PNOC: variants seen among roughly 807,000 people sequenced by gnomAD.
PNOC encodes nociceptin.
A neutral mutation model predicts 15.6 loss-of-function variants in PNOC; 10 were observed. That is an observed-to-expected ratio of 0.64 (90% confidence interval 0.40 to 1.09). The LOEUF is 1.09. Ranked by LOEUF, PNOC falls within the 50% of genes least tolerant of loss-of-function variation. The pLI is 0.01. For synonymous variants in PNOC, 98 were observed against 88.5 expected, an observed-to-expected ratio of 1.11 and a Z score of -0.60; for missense variants, 220 against 223.9, an observed-to-expected ratio of 0.98 and a Z score of 0.11.
At chr8:28,332,766 C>A (rs1242776442) in intron 2 of PNOC, among the ~76,000 whole-genome samples, 1 of 152,238 alleles carries the variant, frequency 6.6e-6, no homozygotes, top group South Asian at 2.1e-4. Flanking sequence ...GCCTGGCCAA[C>A]AAGGCGAAAC....
chr8:28,327,697 G>T (rs1039860913), intron 1 of PNOC, among the ~76,000 whole-genome samples: 1 of 151,754 alleles, frequency 6.6e-6, no homozygotes, highest in African/African-American at 2.4e-5. Context: ...TGTATTTTTA[G>T]TAGAGATGGG....
At chr8:28,332,316 G>T (rs1197875899) in intron 2 of PNOC, among the ~76,000 whole-genome samples, 1 of 152,182 alleles carries the variant, frequency 6.6e-6, no homozygotes, top group Non-Finnish European at 1.5e-5. Flanking sequence ...TGAATGATCA[G>T]GGGACTCATA....
At chr8:28,336,105 CACCTCTTTTCAT>C (rs1335120698) in intron 2 of PNOC, among the ~76,000 whole-genome samples, 1 of 152,192 alleles carries the variant, frequency 6.6e-6, no homozygotes. Context: ...GACTCTTTCT[CACCTCTTTTCAT>C]TCCCTTCTTT....
chr8:28,329,007 G>T, intron 1 of PNOC, 128 bp from the exon 2 acceptor site: 2 of 882,046 alleles, frequency 2.3e-6, no homozygotes, highest in Non-Finnish European at 1.8e-6. Flanking sequence ...TGAATCACAG[G>T]CCCCTAGTGC....
chr8:28,329,181 G>C lies in PNOC; in HGVS notation c.24G>C (p.Leu8=). ...CCATGAAAGTCCTGCTTTGTGACCT[G>C]CTGCTGCTCAGTCTCTTCTCCAGTG... MKVLLCD[L]LLLSLFSSVF... The change falls in exon 2 of 4, where the codon CTG becomes CTC. Residue 8 remains leucine (L), a synonymous_variant. Coordinates refer to ENST00000301908, the MANE Select transcript of PNOC (RefSeq NM_006228.5). 1 of 1,613,820 alleles carries C rather than the reference G, an allele frequency of 6.2e-7. No homozygotes were observed. Among genetic ancestry groups the C allele is most frequent in the Non-Finnish European group, 8.5e-7 (1 of 1,179,992 alleles).
intron 1 of PNOC, among the ~76,000 whole-genome samples, chr8:28,324,660 T>G (rs1237362043): frequency 6.6e-6 from 1 of 152,180 alleles, no homozygotes; most frequent in Non-Finnish European, 1.5e-5. Context: ...GGTCAGGAGT[T>G]CGAGACCAGC....
At chr8:28,327,820 A>G (rs1801250833) in intron 1 of PNOC, among the ~76,000 whole-genome samples, 1 of 151,574 alleles carries the variant, frequency 6.6e-6, no homozygotes, top group South Asian at 2.1e-4. Context: ...CCTGCCAACA[A>G]CAGAAACAAC....
At chr8:28,326,756 A>G (rs539047379) in intron 1 of PNOC, among the ~76,000 whole-genome samples, 6 of 152,278 alleles carry the variant, frequency 3.9e-5, no homozygotes, top group African/African-American at 1.4e-4. Context: ...GCCACTCGGG[A>G]GGCTGTGGCA....
chr8:28,339,623 G>A (rs1801481409), intron 3 of PNOC, 132 bp downstream of exon 3: 1 of 675,356 alleles, frequency 1.5e-6, no homozygotes, highest in Non-Finnish European at 2.2e-6. Flanking sequence ...ACCCCGCAAG[G>A]AGTCCAGCCC....
chr8:28,323,816 A>G (rs1376193610), intron 1 of PNOC, among the ~76,000 whole-genome samples: 3 of 152,256 alleles, frequency 2.0e-5, no homozygotes. Context: ...TGGGAAGTGT[A>G]TGAGAAAATA....
chr8:28,323,543 A>G (rs114136267), intron 1 of PNOC, among the ~76,000 whole-genome samples: 1,687 of 152,356 alleles, frequency 0.011, 38 homozygotes, highest in African/African-American at 0.038. Flanking sequence ...TTCAGCATCA[A>G]TGTAACAACA....
chr8:28,342,421 G>A (rs573389424), intron 3 of PNOC, among the ~76,000 whole-genome samples: 1 of 151,330 alleles, frequency 6.6e-6, no homozygotes, highest in Non-Finnish European at 1.5e-5. Context: ...AAGGAAAGGT[G>A]TTGGGGTGCA....
chr8:28,342,418 G>A (rs1801537632), intron 3 of PNOC, among the ~76,000 whole-genome samples: 1 of 151,366 alleles, frequency 6.6e-6, no homozygotes, highest in Non-Finnish European at 1.5e-5. Context: ...AGGAAGGAAA[G>A]GTGTTGGGGT....
In PNOC at chr8:28,332,493, T is replaced by C. The variant is rs189838663; in HGVS notation, c.126+3210T>C. ...TTAGACTATAATTTTTATTGGTAAA[T>C]GACTCACACCCAAATCCATTGCAAC... On this transcript the variant is annotated intron_variant, in intron 2 of 3. Coordinates refer to ENST00000301908, the MANE Select transcript of PNOC (RefSeq NM_006228.5). Among the ~76,000 whole-genome samples, 17 of 152,316 alleles carry C rather than the reference T, an allele frequency of 1.1e-4. No homozygotes were observed. The East Asian group carries it at 2.7e-3, about 24-fold the overall frequency.
At chr8:28,338,543 G>A (rs1801453623) in intron 2 of PNOC, 2 of 954,194 alleles carry the variant, frequency 2.1e-6, no homozygotes, top group Admixed American at 6.1e-5. Flanking sequence ...ACAACACCTA[G>A]GTAGATCTTT....
chr8:28,342,693 T>C (rs76787229), intron 3 of PNOC, among the ~76,000 whole-genome samples: 2,294 of 152,308 alleles, frequency 0.015, 44 homozygotes, highest in African/African-American at 0.042. Flanking sequence ...GGAAGGGGCT[T>C]GCCACTGTGC....
At chr8:28,333,426 A>T (rs770165622) in intron 2 of PNOC, among the ~76,000 whole-genome samples, 1 of 152,216 alleles carries the variant, frequency 6.6e-6, no homozygotes, top group Non-Finnish European at 1.5e-5. Flanking sequence ...AGCTCACTTA[A>T]TAAGCCATTA....
At chr8:28,330,412 T>TTTTTATTTTTTTTTTTTTA (rs1382350131) in intron 2 of PNOC, among the ~76,000 whole-genome samples, 5 of 143,594 alleles carry the variant, frequency 3.5e-5, no homozygotes, top group Non-Finnish European at 6.1e-5. Flanking sequence ...TTTTTTTTTT[T>TTTTTATTTTTTTTTTTTTA]GAGACGGAGT....
At chr8:28,330,408 T>TATTTTATTTTATTTTA (rs1257291054) in intron 2 of PNOC, among the ~76,000 whole-genome samples, 4 of 139,956 alleles carry the variant, frequency 2.9e-5, no homozygotes, top group African/African-American at 1.0e-4. Context: ...TTTTTTTTTT[T>TATTTTATTTTATTTTA]TTTTGAGACG....
Sources: gnomAD v4.1 joint callset for allele counts (sites outside exome capture counted in the v4.1 genomes callset) on GRCh38, gnomAD v4.1.1 for gene constraint, MANE v1.5 for transcripts, NCBI Gene and HGNC (gene_info 2026-07-23, HGNC 2026-07-21) for gene names.